RBFOX1: variants seen among roughly 807,000 people sequenced by gnomAD.
RBFOX1 encodes the protein RNA binding fox-1 homolog 1, also known as RNA binding protein fox-1 homolog 1.
Under a neutral mutation model 57.7 loss-of-function variants are expected in RBFOX1, and 8 were observed. The ratio of observed to expected loss-of-function variants is 0.14; its 90% CI spans 0.08 to 0.25. RBFOX1 has a LOEUF of 0.25. Among genes scored for constraint, RBFOX1 ranks in the 10% least tolerant of loss-of-function variants. The pLI is 1.00. For synonymous variants in RBFOX1, 326 were observed against 222.4 expected (o/e 1.47, Z -4.15); for missense variants, 611 against 548.5 (o/e 1.11, Z -1.14).
chr16:6,831,382 T>A, intron 3 of RBFOX1, among the ~76,000 whole-genome samples: 1 of 152,220 alleles, frequency 6.6e-6, no homozygotes, highest in East Asian at 1.9e-4. Context: ...AGTTAACATA[T>A]TTTAGTTGTG....
intron 4 of RBFOX1, among the ~76,000 whole-genome samples, chr16:7,117,792 T>A (rs2066238664): frequency 6.6e-6 from 1 of 152,194 alleles, no homozygotes; most frequent in South Asian, 2.1e-4. Flanking sequence ...CAGCCAGGAC[T>A]GGGTTCTCAT....
intron 3 of RBFOX1, among the ~76,000 whole-genome samples, chr16:6,958,296 A>G (rs1332335185): frequency 6.6e-6 from 1 of 152,206 alleles, no homozygotes; most frequent in Non-Finnish European, 1.5e-5. Context: ...AATTATTCCA[A>G]CACACTCTAT....
intron 2 of RBFOX1, among the ~76,000 whole-genome samples, chr16:5,505,191 T>C (rs1447119841): frequency 1.3e-5 from 2 of 152,218 alleles, no homozygotes; most frequent in Admixed American, 6.5e-5. Flanking sequence ...ATAAACCTCT[T>C]GTATGACCCC....
intron 3 of RBFOX1, among the ~76,000 whole-genome samples, chr16:5,742,310 C>G (rs1275305872): frequency 1.4e-5 from 2 of 142,838 alleles, no homozygotes; most frequent in African/African-American, 2.6e-5. Flanking sequence ...CTCCCTTCCT[C>G]CCTCCCTCCC....
At chr16:5,672,414 G>C (rs1415527718) in intron 3 of RBFOX1, among the ~76,000 whole-genome samples, 1 of 152,080 alleles carries the variant, frequency 6.6e-6, no homozygotes, top group African/African-American at 2.4e-5. Flanking sequence ...CTGCTCCAGG[G>C]CCTTTGCACA....
At chr16:6,438,607 G>A (rs931346393) in intron 2 of RBFOX1, among the ~76,000 whole-genome samples, 1 of 152,144 alleles carries the variant, frequency 6.6e-6, no homozygotes, top group Non-Finnish European at 1.5e-5. Flanking sequence ...ATTACTTACA[G>A]TTCTTCCTCT....
intron 3 of RBFOX1, among the ~76,000 whole-genome samples, chr16:6,712,143 T>C (rs1187443890): frequency 6.6e-6 from 1 of 152,210 alleles, no homozygotes; most frequent in East Asian, 1.9e-4. Flanking sequence ...GAATGAATGA[T>C]GGAATGTAGA....
intron 3 of RBFOX1, among the ~76,000 whole-genome samples, chr16:6,680,294 T>TTTTTTTTTTTTTTTTTG (rs60731674): frequency 7.0e-4 from 72 of 103,046 alleles, no homozygotes; most frequent in Non-Finnish European, 9.3e-4. Context: ...TTTTTTTTTT[T>TTTTTTTTTTTTTTTTTG]ATTTGTCGCC....
chr16:5,598,277 A>T (rs1319969338), intron 2 of RBFOX1, among the ~76,000 whole-genome samples: 1 of 152,070 alleles, frequency 6.6e-6, no homozygotes, highest in Non-Finnish European at 1.5e-5. Flanking sequence ...GATGCTCCCT[A>T]GATGCAAAGT....
At position 6,517,181 on chromosome 16, in the gene RBFOX1, T is replaced by G. The variant is rs114125821; in HGVS notation, c.-63-137422T>G. On this transcript the variant is annotated intron_variant, in intron 2 of 15. Coordinates refer to ENST00000550418, the MANE Select transcript of RBFOX1 (RefSeq NM_018723.4). ...TCCTAATTTAGGTCCTTGGCTCGCT[T>G]CTGACAAGCCACTTTATGGAAGGGC... Among the ~76,000 whole-genome samples the G allele has an allele frequency of 7.4e-3, 1,124 of 152,286 alleles. 13 individuals carry two copies. Among genetic ancestry groups the G allele is most frequent in the African/African-American group, 0.025 (1,056 of 41,558 alleles).
intron 3 of RBFOX1, among the ~76,000 whole-genome samples, chr16:5,639,813 C>T (rs558950292): frequency 6.6e-6 from 1 of 152,182 alleles, no homozygotes; most frequent in African/African-American, 2.4e-5. Flanking sequence ...TGGTGTCGCT[C>T]TGTTCTCTTT....
chr16:6,522,125 T>C (rs2096512144), intron 2 of RBFOX1, among the ~76,000 whole-genome samples: 1 of 151,708 alleles, frequency 6.6e-6, no homozygotes, highest in Non-Finnish European at 1.5e-5. Flanking sequence ...GATTATGCAG[T>C]ATCTTTTAAT....
chr16:6,042,797 G>T (rs2343567), intron 1 of RBFOX1, among the ~76,000 whole-genome samples: 18,772 of 152,176 alleles, frequency 0.12, 1,426 homozygotes, highest in African/African-American at 0.21. Context: ...GCAAAGAAAG[G>T]CAGGACATCT....
At chr16:6,028,151 G>C (rs1462106997) in intron 1 of RBFOX1, among the ~76,000 whole-genome samples, 1 of 152,108 alleles carries the variant, frequency 6.6e-6, no homozygotes, top group African/African-American at 2.4e-5. Context: ...GATGTCCATG[G>C]CATGGCTCAC....
chr16:5,521,155 C>G (rs545411597), intron 2 of RBFOX1, among the ~76,000 whole-genome samples: 1 of 152,206 alleles, frequency 6.6e-6, no homozygotes, highest in Non-Finnish European at 1.5e-5. Flanking sequence ...CCAACCCTTG[C>G]AGCTGAAAGC....
At chr16:6,621,219 T>A (rs2098225476) in intron 2 of RBFOX1, among the ~76,000 whole-genome samples, 1 of 152,114 alleles carries the variant, frequency 6.6e-6, no homozygotes, top group Non-Finnish European at 1.5e-5. Context: ...CCCAGCACAT[T>A]GGGAGGCCTA....
intron 4 of RBFOX1, among the ~76,000 whole-genome samples, chr16:6,006,218 T>C (rs1430369791): frequency 6.6e-6 from 1 of 152,298 alleles, no homozygotes; most frequent in Non-Finnish European, 1.5e-5. Context: ...TCAGACCAGA[T>C]AGTTCAGGTG....
chr16:6,589,660 C>G (rs1194631580), intron 2 of RBFOX1, among the ~76,000 whole-genome samples: 1 of 152,240 alleles, frequency 6.6e-6, no homozygotes, highest in Non-Finnish European at 1.5e-5. Context: ...AATTTCTAAT[C>G]TTGTGGCTCA....
chr16:6,116,970 T>C (rs1258033673), intron 1 of RBFOX1, among the ~76,000 whole-genome samples: 1 of 152,190 alleles, frequency 6.6e-6, no homozygotes, highest in African/African-American at 2.4e-5. Flanking sequence ...CGTTGGCAGA[T>C]ACTAGAAGTC....
Sources: gnomAD v4.1 joint callset for allele counts (sites outside exome capture counted in the v4.1 genomes callset) on GRCh38, gnomAD v4.1.1 for gene constraint, MANE v1.5 for transcripts, NCBI Gene and HGNC (gene_info 2026-07-23, HGNC 2026-07-21) for gene names.